The following FRMD4B variants were observed in gnomAD, a reference collection of about 807,000 sequenced individuals.
FRMD4B encodes the protein FERM domain-containing protein 4B.
A neutral mutation model predicts 141.5 loss-of-function variants in FRMD4B; 74 were observed. That is an observed-to-expected ratio of 0.52 (90% CI 0.43 to 0.63). The LOEUF is 0.63. Ranked by LOEUF, FRMD4B falls within the 30% of genes least tolerant of loss-of-function variation. The probability of loss-of-function intolerance (pLI) is 0.00; values close to 1 mark genes in which losing one functional copy is unlikely to be tolerated. For synonymous variants in FRMD4B, 506 were observed against 467.9 expected (o/e 1.08, Z -1.05); for missense variants, 1,366 against 1,253.4 (o/e 1.09, Z -1.36).
At chr3:69,281,438 C>T (rs2093643884) in intron 5 of FRMD4B, among the ~76,000 whole-genome samples, 1 of 152,122 alleles carries the variant, frequency 6.6e-6, no homozygotes, top group Non-Finnish European at 1.5e-5. Context: ...TGCTTGACTT[C>T]TTGGGAAACA....
At chr3:69,316,280 C>T (rs946703538) in intron 1 of FRMD4B, among the ~76,000 whole-genome samples, 7 of 152,136 alleles carry the variant, frequency 4.6e-5, no homozygotes, top group African/African-American at 1.7e-4. Context: ...GTCAAATATA[C>T]ACCTTGGGTG....
rs1038574052 is a variant in FRMD4B at position 69,176,622 on chromosome 3, G to A, written c.2886C>T (p.Thr962=). 1 of 1,604,916 alleles carries A rather than the reference G, an allele frequency of 6.2e-7. No individual in the cohort carries two copies. The highest frequency in any genetic ancestry group is 8.5e-7 in the Non-Finnish European group (1 of 1,171,726). Residue 962 remains threonine (T), a synonymous_variant, in exon 22 of 23, where the codon ACC becomes ACT. Transcript: ENST00000398540. Reference sequence around the variant, plus strand: ...AATCCGACAGCCCTATGGTTAACTGGGTCCTCCAGTTCCCAGAAGCATTTG... The same window carrying A: ...AATCCGACAGCCCTATGGTTAACTGAGTCCTCCAGTTCCCAGAAGCATTTG... ...SSTNASGNWR[T]QLTIGLSDYE...
chr3:69,395,069 G>A (rs894713313), intron 2 of FRMD4B, among the ~76,000 whole-genome samples: 1 of 152,070 alleles, frequency 6.6e-6, no homozygotes, highest in African/African-American at 2.4e-5. Context: ...AATGTAAGCA[G>A]GGCTTAAAAC....
intron 1 of FRMD4B, chr3:69,377,155 T>C (rs1013373951): frequency 3.3e-5 from 5 of 152,226 alleles, no homozygotes; most frequent in Non-Finnish European, 7.3e-5. Context: ...AAATTAGTTT[T>C]TGGGTACCTT....
chr3:69,384,003 T>C (rs1285143778), intron 1 of FRMD4B, among the ~76,000 whole-genome samples: 1 of 152,098 alleles, frequency 6.6e-6, no homozygotes, highest in East Asian at 1.9e-4. Flanking sequence ...TCTCACTATG[T>C]TGCCCGGGCT....
At chr3:69,446,408 C>G (rs568220394) in intron 1 of FRMD4B, among the ~76,000 whole-genome samples, 1 of 152,022 alleles carries the variant, frequency 6.6e-6, no homozygotes, top group Non-Finnish European at 1.5e-5. Context: ...TCTCAGCTCA[C>G]TGCAACCTCT....
At chr3:69,400,287 TGGGTTTGAATCCAC>T (rs1704540855) in intron 2 of FRMD4B, among the ~76,000 whole-genome samples, 1 of 151,876 alleles carries the variant, frequency 6.6e-6, no homozygotes, top group African/African-American at 2.4e-5. Flanking sequence ...CTTGAGAAGC[TGGGTTTGAATCCAC>T]GGGTTTGAAG....
chr3:69,218,276 A>G (rs755179637), intron 10 of FRMD4B, 46 bp downstream of exon 10: 7 of 917,220 alleles, frequency 7.6e-6, no homozygotes, highest in African/African-American at 6.5e-5. Context: ...GTATTGTGCA[A>G]TAACTCTCAA....
intron 10 of FRMD4B, among the ~76,000 whole-genome samples, chr3:69,217,897 T>C (rs1374381055): frequency 6.6e-6 from 1 of 152,194 alleles, no homozygotes; most frequent in Non-Finnish European, 1.5e-5. Flanking sequence ...TATTTGTCAA[T>C]CTCTCCCTGC....
chr3:69,333,366 C>T (rs538436007), intron 1 of FRMD4B, among the ~76,000 whole-genome samples: 29 of 152,230 alleles, frequency 1.9e-4, no homozygotes, highest in Middle Eastern at 3.4e-3. Flanking sequence ...AAGGGAATCC[C>T]GTGGTGCAGA....
rs370192298 is a variant in FRMD4B at position 69,496,068 on chromosome 3, C to G, written c.-129+46138G>C. Among the ~76,000 whole-genome samples the G allele has an allele frequency of 3.2e-4, 49 of 152,204 alleles. 1 individual carries two copies. The South Asian group carries it at 0.01, about 32-fold the overall frequency. On this transcript the variant is annotated intron_variant, in intron 1 of 5. Transcript: ENST00000459638. ...TATTTATACTATTTCCTCTGTTTTA[C>G]TCAGTAAACATTAAGTTAATCTTCC... is the stretch of plus-strand genomic sequence containing the variant.
chr3:69,248,308 G>T (rs1373091175), intron 7 of FRMD4B, among the ~76,000 whole-genome samples: 1 of 152,156 alleles, frequency 6.6e-6, no homozygotes, highest in Non-Finnish European at 1.5e-5. Flanking sequence ...GTGGGAGATT[G>T]TGGTGAGGAA....
intron 3 of FRMD4B, among the ~76,000 whole-genome samples, chr3:69,309,943 T>TCA (rs1701522155): frequency 6.6e-6 from 1 of 152,214 alleles, no homozygotes; most frequent in Non-Finnish European, 1.5e-5. Context: ...TGTGTGTGCG[T>TCA]GTTCAATCAC....
intron 7 of FRMD4B, chr3:69,228,469 T>G: frequency 2.2e-6 from 1 of 456,532 alleles, no homozygotes; most frequent in Non-Finnish European, 4.4e-6. Flanking sequence ...GAGGAGAACA[T>G]TGCCCATGTT....
intron 5 of FRMD4B, among the ~76,000 whole-genome samples, chr3:69,268,523 C>T (rs2093578802): frequency 6.6e-6 from 1 of 152,028 alleles, no homozygotes; most frequent in South Asian, 2.1e-4. Flanking sequence ...TAAACGCACC[C>T]TGGCACCAAT....
intron 1 of FRMD4B, among the ~76,000 whole-genome samples, chr3:69,372,789 A>G (rs995336347): frequency 6.6e-6 from 1 of 152,238 alleles, no homozygotes; most frequent in Non-Finnish European, 1.5e-5. Flanking sequence ...ATGTGTGTAT[A>G]TGTGTGTACA....
intron 1 of FRMD4B, among the ~76,000 whole-genome samples, chr3:69,325,103 A>C (rs1269584945): frequency 6.6e-6 from 1 of 151,616 alleles, no homozygotes. Context: ...GAAAGAAAGA[A>C]AGAAAGAAAG....
Position 69,345,800 on chromosome 3 carries a change from A to C in FRMD4B, c.163-32283T>G, listed in dbSNP as rs186920144. On this transcript the variant is annotated intron_variant, in intron 1 of 22. Transcript: ENST00000398540. ...ACTGTTAGAAGGAAAACTAACAAACAGAAAGGACATCCACACCAAAACCCC... is the reference window on the plus strand; with the variant it reads ...ACTGTTAGAAGGAAAACTAACAAACCGAAAGGACATCCACACCAAAACCCC... Among the ~76,000 whole-genome samples, 1,441 of 152,354 alleles carry C rather than the reference A, an allele frequency of 9.5e-3. 25 individuals are homozygous for C. Among genetic ancestry groups the C allele is most frequent in the African/African-American group, 0.033 (1,354 of 41,594 alleles).
intron 22 of FRMD4B, among the ~76,000 whole-genome samples, chr3:69,174,750 C>T (rs1430504294): frequency 2.0e-5 from 3 of 152,146 alleles, no homozygotes; most frequent in Non-Finnish European, 4.4e-5. Flanking sequence ...GATATGAGAA[C>T]TGAGTAATGC....
Sources: gnomAD v4.1 joint callset for allele counts (sites outside exome capture counted in the v4.1 genomes callset) on GRCh38, gnomAD v4.1.1 for gene constraint, MANE v1.5 for transcripts, NCBI Gene and HGNC (gene_info 2026-07-23, HGNC 2026-07-21) for gene names.